ABCC9: variants seen among roughly 807,000 people sequenced by gnomAD.
The protein encoded by ABCC9 is ATP binding cassette subfamily C member 9.
ABCC9 carries 95 observed loss-of-function variants against 188.3 expected under a neutral mutation model. The observed-to-expected ratio is 0.50, with a 90% CI of 0.43 to 0.60. The LOEUF (loss-of-function observed/expected upper bound fraction) is 0.60, where lower values mean the gene tolerates loss of function less well. Among genes scored for constraint, ABCC9 ranks in the 20% least tolerant of loss-of-function variants. The pLI is 0.00. For missense variants in ABCC9, 1,102 were observed against 1,876.3 expected, an observed-to-expected ratio of 0.59 and a Z score of 7.62; for synonymous variants, 659 against 652.7, an observed-to-expected ratio of 1.01 and a Z score of -0.15.
chr12:21,837,177 C>A (rs78195978), intron 30 of ABCC9, among the ~76,000 whole-genome samples: 2,551 of 152,136 alleles, frequency 0.017, 66 homozygotes, highest in African/African-American at 0.058. Context: ...ACATTCAATG[C>A]CAATAAATAA....
chr12:21,812,893 G>A (rs1942355647), intron 35 of ABCC9, among the ~76,000 whole-genome samples: 1 of 152,002 alleles, frequency 6.6e-6, no homozygotes, highest in Non-Finnish European at 1.5e-5. Context: ...ATTTGGTGGT[G>A]ATTTTTCTTT....
chr12:21,880,135 A>T (rs1340999751), intron 16 of ABCC9, among the ~76,000 whole-genome samples: 1 of 151,588 alleles, frequency 6.6e-6, no homozygotes, highest in Non-Finnish European at 1.5e-5. Context: ...TGGGAAAATG[A>T]CTACTACTAA....
intron 31 of ABCC9, among the ~76,000 whole-genome samples, chr12:21,819,800 T>A (rs1942920687): frequency 6.6e-6 from 1 of 152,194 alleles, no homozygotes; most frequent in African/African-American, 2.4e-5. Context: ...TCCATATTGA[T>A]GCTCATGATC....
chr12:21,826,940 T>G (rs1943414494), intron 31 of ABCC9, among the ~76,000 whole-genome samples: 2 of 152,196 alleles, frequency 1.3e-5, no homozygotes, highest in South Asian at 4.1e-4. Context: ...GGAAGGATTC[T>G]AATACACAGA....
At chr12:21,905,512 A>G (rs987229628) in intron 12 of ABCC9, among the ~76,000 whole-genome samples, 3 of 152,138 alleles carry the variant, frequency 2.0e-5, no homozygotes, top group African/African-American at 7.2e-5. Context: ...TAAAAACAGA[A>G]TGCTACAAAT....
intron 12 of ABCC9, among the ~76,000 whole-genome samples, chr12:21,905,645 T>C (rs1948006067): frequency 6.6e-6 from 1 of 152,154 alleles, no homozygotes; most frequent in Non-Finnish European, 1.5e-5. Flanking sequence ...GCTACCCATG[T>C]GTATTCTGAG....
rs71053348 is a variant in ABCC9, at chr12:21,818,526, ATGTGTGTGTG to A, written c.3670-285_3670-276del. Among the ~76,000 whole-genome samples the A allele has an allele frequency of 4.3e-3, 589 of 136,436 alleles. 5 individuals carry two copies. Among genetic ancestry groups the A allele is most frequent in the African/African-American group, 0.015 (537 of 36,326 alleles). 89.5% of individuals were successfully genotyped at this position (136,436 alleles called of 152,430 possible). ...TATATAACTATATAGATATATATAT[ATGTGTGTGTG>A]TGTGTGTGTGTGTGTGTGTGTGTGT... On this transcript the variant is annotated intron_variant, in intron 31 of 39. Coordinates refer to ENST00000261200, the MANE Select transcript of ABCC9 (RefSeq NM_020297.4).
At position 21,820,585 on chromosome 12, in the gene ABCC9, C is replaced by A. The variant is rs572409352; in HGVS notation, c.3670-2334G>T. Among the ~76,000 whole-genome samples the A allele has an allele frequency of 2.0e-5, 3 of 151,950 alleles. No homozygotes were observed. In the East Asian group the frequency reaches 5.8e-4, roughly 30 times the overall value. ...CCAGACTATATGTCTGGATTTTGTA[C>A]CCTGTCTACTCTGACCTCATCTGAG... is the stretch of plus-strand genomic sequence containing the variant. On this transcript the variant is annotated intron_variant, in intron 31 of 39. Coordinates refer to ENST00000261200, the MANE Select transcript of ABCC9 (RefSeq NM_020297.4).
At chr12:21,906,605 C>G (rs1357932812) in intron 11 of ABCC9, among the ~76,000 whole-genome samples, 1 of 152,008 alleles carries the variant, frequency 6.6e-6, no homozygotes, top group Non-Finnish European at 1.5e-5. Context: ...ATAATATAGA[C>G]ATAAATTTAC....
chr12:21,802,804 C>T (rs1260976408), intron 39 of ABCC9, among the ~76,000 whole-genome samples: 6 of 152,108 alleles, frequency 3.9e-5, no homozygotes, highest in Non-Finnish European at 7.4e-5. Context: ...AAAGTCCTAC[C>T]TAAAACCATC....
rs555234411 is a variant in ABCC9 at position 21,938,574 on chromosome 12, T to TTAAA, written c.-20-1884_-20-1881dup. Among the ~76,000 whole-genome samples the TTAAA allele has an allele frequency of 2.2e-3, 331 of 152,290 alleles. 1 individual carries two copies. Among genetic ancestry groups the TTAAA allele is most frequent in the African/African-American group, 7.1e-3 (296 of 41,570 alleles). ...TTAGTAGAAATGATAAAAAGAAAAC[T>TTAAA]TAAAGCCCACTCTTAATTGAAAGAC... On this transcript the variant is annotated intron_variant, in intron 2 of 39. Coordinates refer to ENST00000261200, the MANE Select transcript of ABCC9 (RefSeq NM_020297.4).
At chr12:21,839,455 A>G (rs1202411595) in intron 29 of ABCC9, among the ~76,000 whole-genome samples, 1 of 152,210 alleles carries the variant, frequency 6.6e-6, no homozygotes, top group Non-Finnish European at 1.5e-5. Flanking sequence ...ACTTCCATTC[A>G]CAGTTTCTCT....
chr12:21,869,016 ATAAG>A (rs973967757), intron 18 of ABCC9, among the ~76,000 whole-genome samples: 1 of 152,200 alleles, frequency 6.6e-6, no homozygotes, highest in African/African-American at 2.4e-5. Flanking sequence ...TATGAAAAAA[ATAAG>A]TAATTCTTTT....
At chr12:21,872,553 G>T in intron 18 of ABCC9, 72 bp downstream of exon 18, 2 of 1,196,150 alleles carry the variant, frequency 1.7e-6, no homozygotes, top group Non-Finnish European at 1.2e-6. Context: ...AAATGTATTT[G>T]TCTAAGTTCT....
At chr12:21,872,326 T>G (rs1411001574) in intron 18 of ABCC9, among the ~76,000 whole-genome samples, 1 of 152,220 alleles carries the variant, frequency 6.6e-6, no homozygotes, top group Non-Finnish European at 1.5e-5. Flanking sequence ...AATAAACTTT[T>G]AAGTTATTTC....
rs533913169 is a variant in ABCC9, at chr12:21,817,389, A to G, written c.3772-82T>C. ...TAATCACCGGAAATTTTGGAACGAG[A>G]TAACTTGGACCATTAGTGTACATGT... is the stretch of plus-strand genomic sequence containing the variant. On this transcript the variant is annotated intron_variant, in intron 32 of 39. Coordinates refer to ENST00000261200, the MANE Select transcript of ABCC9 (RefSeq NM_020297.4). 1.9e-5 allele frequency: 26 copies of G among 1,383,466 alleles called. No homozygotes were observed. In the Admixed American group the frequency reaches 3.0e-4, roughly 16 times the overall value. The allele number at this position is 1,383,466 out of a possible 1,614,324, so 85.7% of individuals were successfully genotyped here. A position where few individuals can be genotyped will look rare whatever the true frequency, so the allele number is the denominator to read the frequency against.
chr12:21,911,102 G>T lies in ABCC9; in HGVS notation c.1012-124C>A, dbSNP rs376307311. 9.3e-5 allele frequency: 84 copies of T among 905,938 alleles called. No homozygotes were observed. The East Asian group carries it at 1.3e-3, about 14-fold the overall frequency. 56.1% of individuals were successfully genotyped at this position (905,938 alleles called of 1,614,324 possible). A position where few individuals can be genotyped will look rare whatever the true frequency, so the allele number is the denominator to read the frequency against. On this transcript the variant is annotated intron_variant, in intron 8 of 39. Coordinates refer to ENST00000261200, the MANE Select transcript of ABCC9 (RefSeq NM_020297.4). ...AAAAATTCAATGTATTTATTATACA[G>T]CAGTGAAATACAATACAAACCAGGT...
At chr12:21,916,402 G>A (rs535414577) in intron 6 of ABCC9, among the ~76,000 whole-genome samples, 6 of 152,232 alleles carry the variant, frequency 3.9e-5, no homozygotes, top group Admixed American at 2.0e-4. Context: ...TCTATCTCTA[G>A]TATCTCACAC....
In ABCC9 at chr12:21,844,799, G is replaced by A. The variant is rs1449513026; in HGVS notation, c.3213C>T (p.Asn1071=). ...GTCCAAGGATTATCTTATTGAGAAG[G>A]TTGTGGTGAAGATTTTTGGCAGCTG... is the stretch of plus-strand genomic sequence containing the variant. ...GLTAAKNLHH[N]LLNKIILGPI... The change falls in exon 27 of 40, where the codon AAC becomes AAT. Residue 1071 remains asparagine, a synonymous_variant. Coordinates refer to ENST00000261200, the MANE Select transcript of ABCC9 (RefSeq NM_020297.4). The A allele has an allele frequency of 1.9e-6, 3 of 1,613,960 alleles. No homozygotes were observed. The highest frequency in any genetic ancestry group is 2.7e-5 in the African/African-American group (2 of 75,036).
Sources: allele counts gnomAD v4.1 joint callset (sites outside exome capture counted in the v4.1 genomes callset), GRCh38; gene constraint gnomAD v4.1.1; transcripts MANE v1.5; gene names NCBI Gene and HGNC (gene_info 2026-07-23, HGNC 2026-07-21).